ZC3H7B: variants seen among roughly 807,000 people sequenced by gnomAD.
The protein encoded by ZC3H7B is zinc finger CCCH-type containing 7B, also known as zinc finger CCCH domain-containing protein 7B.
A neutral mutation model predicts 116.0 loss-of-function variants in ZC3H7B; 35 were observed. The observed-to-expected ratio is 0.30, with a 90% CI of 0.23 to 0.40. ZC3H7B has a LOEUF of 0.40. Ranked by LOEUF, ZC3H7B falls within the 10% of genes least tolerant of loss-of-function variation. The probability of loss-of-function intolerance (pLI) is 1.00; values close to 1 mark genes in which losing one functional copy is unlikely to be tolerated. For synonymous variants in ZC3H7B, 502 were observed against 545.6 expected, an observed-to-expected ratio of 0.92 and a Z score of 1.11; for missense variants, 1,011 against 1,321.5, an observed-to-expected ratio of 0.77 and a Z score of 3.64.
At chr22:41,339,476 A>C (rs1353521250) in intron 9 of ZC3H7B, among the ~76,000 whole-genome samples, 2 of 151,870 alleles carry the variant, frequency 1.3e-5, no homozygotes, top group Non-Finnish European at 2.9e-5. Context: ...AAATACAAAA[A>C]TTAGCCGGGC....
At chr22:41,352,634 C>T (rs1237669821) in intron 17 of ZC3H7B, among the ~76,000 whole-genome samples, 2 of 151,882 alleles carry the variant, frequency 1.3e-5, no homozygotes, top group Non-Finnish European at 2.9e-5. Flanking sequence ...TGGTGGCGGG[C>T]GCCTGTAGTC....
intron 6 of ZC3H7B, among the ~76,000 whole-genome samples, chr22:41,330,460 G>A (rs1047483299): frequency 2.0e-5 from 3 of 152,194 alleles, no homozygotes; most frequent in Non-Finnish European, 2.9e-5. Context: ...CTGTTTGGCT[G>A]GTTCAGTTCC....
At position 41,349,450 on chromosome 22, in the gene ZC3H7B, G is replaced by A; in HGVS notation, c.1948+149G>A. The A allele has an allele frequency of 9.9e-7, 1 of 1,007,322 alleles. No homozygotes were observed. The highest frequency in any genetic ancestry group is 1.4e-6 in the Non-Finnish European group (1 of 700,614). The allele number at this position is 1,007,322 out of a possible 1,614,324, so 62.4% of individuals were successfully genotyped here. ...TCGGGAGAGTTCAGGAGAGGTGGCT[G>A]CGGGGTGGGCTCTCTGTGTGTCCCA... On this transcript the variant is annotated intron_variant, in intron 16 of 22. Coordinates refer to ENST00000352645, the MANE Select transcript of ZC3H7B (RefSeq NM_017590.6). The surrounding 1 kb of genome is among the most constrained non-coding windows in gnomAD (Gnocchi z 4.9).
At chr22:41,356,085 C>G (rs780182326) in intron 20 of ZC3H7B, 23 bp downstream of exon 20, 1 of 1,545,998 alleles carries the variant, frequency 6.5e-7, no homozygotes, top group African/African-American at 1.4e-5. Flanking sequence ...ACGGGGCGGG[C>G]GGGCCCTCCC....
rs71847593 is a variant in ZC3H7B, at chr22:41,321,213, A to AT, written c.53+520dup. On this transcript the variant is annotated intron_variant, in intron 2 of 22. Transcript: ENST00000352645. ...AGGTGCACACCACCATACCCAGCTA[A>AT]TTTTTTTTTTTTTTTTTTTTGAGAC... Among the ~76,000 whole-genome samples the AT allele has an allele frequency of 3.6e-3, 470 of 129,810 alleles. 2 individuals carry two copies. Among genetic ancestry groups the AT allele is most frequent in the Middle Eastern group, 7.8e-3 (2 of 258 alleles). 85.2% of individuals were successfully genotyped at this position (129,810 alleles called of 152,430 possible).
intron 1 of ZC3H7B, among the ~76,000 whole-genome samples, chr22:41,305,623 G>C (rs891128120): frequency 1.1e-4 from 16 of 152,106 alleles, no homozygotes; most frequent in Non-Finnish European, 2.2e-4. Flanking sequence ...TGTATCCCAG[G>C]GCCCCGAGGG....
At chr22:41,333,189 ACTTT>A (rs1338436127) in intron 7 of ZC3H7B, 5 of 152,196 alleles carry the variant, frequency 3.3e-5, no homozygotes, top group East Asian at 3.9e-4. Context: ...GCTTTGCAGC[ACTTT>A]CTTTCATTCA....
chr22:41,320,575 C>G lies in ZC3H7B; in HGVS notation c.-6-80C>G, dbSNP rs1236571348. 3 of 1,531,038 alleles carry G rather than the reference C, an allele frequency of 2.0e-6. No individual in the cohort carries two copies. In the African/African-American group the frequency reaches 4.1e-5, roughly 21 times the overall value. 94.8% of individuals were successfully genotyped at this position (1,531,038 alleles called of 1,614,324 possible). ...GAGAGTGGGAGTGAGAGCACCCAAT[C>G]ACAGGACCCACGAAGTGGTGGTGGC... On this transcript the variant is annotated intron_variant, in intron 1 of 22. Coordinates refer to ENST00000352645, the MANE Select transcript of ZC3H7B (RefSeq NM_017590.6).
rs199611879 is a variant in ZC3H7B, at chr22:41,321,829, C to CTTTTTT, written c.53+1139_53+1144dup. 2.0e-3 allele frequency among the ~76,000 whole-genome samples: 186 copies of CTTTTTT among 91,012 alleles called. 47 individuals are homozygous for CTTTTTT. The highest frequency in any genetic ancestry group is 6.6e-3 in the African/African-American group (116 of 17,662). The allele number at this position is 91,012 out of a possible 152,430, so 59.7% of individuals were successfully genotyped here. On this transcript the variant is annotated intron_variant, in intron 2 of 22. Coordinates refer to ENST00000352645, the MANE Select transcript of ZC3H7B (RefSeq NM_017590.6). ...GACCACAAAACTCAAAACTCACATTCTTTTTTTTTTTTTTTTTTTTTTTTT... is the reference window on the plus strand; with the variant it reads ...GACCACAAAACTCAAAACTCACATTCTTTTTTTTTTTTTTTTTTTTTTTTTTTTTTT...
intron 22 of ZC3H7B, 109 bp downstream of exon 22, chr22:41,356,917 G>A: frequency 1.3e-6 from 2 of 1,526,182 alleles, no homozygotes; most frequent in African/African-American, 1.4e-5. Flanking sequence ...AGGGAGTGGT[G>A]AGGCTTGGCT....
rs982580580 is a variant in ZC3H7B, at chr22:41,359,181, T to C, written c.*1752T>C. The C allele has an allele frequency of 6.5e-6, 1 of 152,898 alleles. No homozygotes were observed. Among genetic ancestry groups the C allele is most frequent in the African/African-American group, 2.4e-5 (1 of 41,450 alleles). 9.5% of individuals were successfully genotyped at this position (152,898 alleles called of 1,614,324 possible). On this transcript the variant is annotated 3_prime_UTR_variant, in exon 23 of 23. Transcript: ENST00000352645. ...CCAAGGTGGGGGCTGTGGCCATGTG[T>C]GGCCGTGATGTCGATGATACTCGTT... is the stretch of plus-strand genomic sequence containing the variant.
chr22:41,316,918 C>T (rs992799051), intron 1 of ZC3H7B, among the ~76,000 whole-genome samples: 16 of 152,296 alleles, frequency 1.1e-4, no homozygotes, highest in Non-Finnish European at 1.0e-4. Context: ...TCTTCGCTCA[C>T]TACAACCTCT....
chr22:41,359,370 A>G lies in ZC3H7B; in HGVS notation c.*1941A>G. 6.6e-6 allele frequency: 1 copy of G among 152,360 alleles called. No individual in the cohort carries two copies. Among genetic ancestry groups the G allele is most frequent in the East Asian group, 1.9e-4 (1 of 5,196 alleles). 9.4% of individuals were successfully genotyped at this position (152,360 alleles called of 1,614,324 possible). A position where few individuals can be genotyped will look rare whatever the true frequency, so the allele number is the denominator to read the frequency against. On this transcript the variant is annotated 3_prime_UTR_variant, in exon 23 of 23. Transcript: ENST00000352645. ...GGAATCACTTTTATGAGGGCTAAAG[A>G]TAAAGAATTTGGCCAGAAAATGCAG...
chr22:41,354,668 A>G (rs576679122), intron 17 of ZC3H7B, among the ~76,000 whole-genome samples: 4 of 152,296 alleles, frequency 2.6e-5, no homozygotes, highest in East Asian at 3.9e-4. Context: ...AGGCTGGCCA[A>G]TGTAGCCAGC....
chr22:41,356,588 T>C, intron 21 of ZC3H7B, 57 bp from the exon 22 acceptor site: 2 of 1,610,210 alleles, frequency 1.2e-6, no homozygotes, highest in Non-Finnish European at 1.7e-6. Context: ...CTCTCCGAGG[T>C]GGGTGGTCCG....
rs987019117 is a variant in ZC3H7B, at chr22:41,357,670, G to A, written c.*241G>A. 6.9e-6 allele frequency: 4 copies of A among 583,250 alleles called. No homozygotes were observed. Among genetic ancestry groups the A allele is most frequent in the Non-Finnish European group, 9.0e-6 (3 of 333,762 alleles). The allele number at this position is 583,250 out of a possible 1,614,324, so 36.1% of individuals were successfully genotyped here. ...TGGGCTGCCCTTCCCCCACCCCCAC[G>A]GCTCTCCTGGTTGAGGAGGGAGGGG... On this transcript the variant is annotated 3_prime_UTR_variant, in exon 23 of 23. Coordinates refer to ENST00000352645, the MANE Select transcript of ZC3H7B (RefSeq NM_017590.6). The surrounding 1 kb of genome is among the most constrained non-coding windows in gnomAD (Gnocchi z 5.4).
chr22:41,316,495 C>T (rs1247914492), intron 1 of ZC3H7B, among the ~76,000 whole-genome samples: 1 of 151,404 alleles, frequency 6.6e-6, no homozygotes, highest in African/African-American at 2.4e-5. Flanking sequence ...AGGGTTTCAC[C>T]ATGTTGGCTG....
rs767245217 is a variant in ZC3H7B at position 41,351,758 on chromosome 22, G to A, written c.2034+112G>A. ...GAAATGTTTACAATGGAGGCACCTC[G>A]AATAAGTTATGAAAGTAACTTGGAT... On this transcript the variant is annotated intron_variant, in intron 17 of 22. Transcript: ENST00000352645. This position sits in a 1 kb window ranked among gnomAD's most constrained non-coding sequence, Gnocchi z 5.1. 47 of 987,604 alleles carry A rather than the reference G, an allele frequency of 4.8e-5. No individual in the cohort carries two copies. Among genetic ancestry groups the A allele is most frequent in the Admixed American group, 7.6e-5 (3 of 39,456 alleles). 61.2% of individuals were successfully genotyped at this position (987,604 alleles called of 1,614,324 possible).
chr22:41,312,985 C>T (rs912768582), intron 1 of ZC3H7B, among the ~76,000 whole-genome samples: 1 of 152,046 alleles, frequency 6.6e-6, no homozygotes, highest in African/African-American at 2.4e-5. Flanking sequence ...ATTTCTGTGT[C>T]AAAGTGAAAG....
Sources: allele counts gnomAD v4.1 joint callset (sites outside exome capture counted in the v4.1 genomes callset), GRCh38; gene constraint gnomAD v4.1.1; non-coding constraint Gnocchi (gnomAD v3.1); transcripts MANE v1.5; gene names NCBI Gene and HGNC (gene_info 2026-07-23, HGNC 2026-07-21).